Variants in UBAP1 observed in about 807,000 individuals in gnomAD.
UBAP1 encodes the protein ubiquitin associated protein 1.
In UBAP1, 5 loss-of-function variants were observed where a neutral mutation model predicts 39.0. The observed-to-expected ratio is 0.13, with a 90% CI of 0.07 to 0.27. The LOEUF is 0.27. Ranked by LOEUF, UBAP1 falls within the 10% of genes least tolerant of loss-of-function variation. The pLI is 1.00. For synonymous variants in UBAP1, 211 were observed against 225.1 expected (o/e 0.94, Z 0.56); for missense variants, 490 against 608.1 (o/e 0.81, Z 2.04).
chr9:34,247,165 G>C (rs1278550236), intron 4 of UBAP1, among the ~76,000 whole-genome samples: 1 of 152,142 alleles, frequency 6.6e-6, no homozygotes, highest in Non-Finnish European at 1.5e-5. Context: ...ACTAAACACT[G>C]TTATAATTTT....
At position 34,201,958 on chromosome 9, in the gene UBAP1, C is replaced by T. The variant is rs78215044; in HGVS notation, c.-7-18950C>T. The stretch of plus-strand genomic sequence containing the variant: ...TATGTTTACTGGTTTATTCTAAAGG[C>T]GATTGCAAAGTATACAGATGAAGAG... On this transcript the variant is annotated intron_variant, in intron 1 of 6. Transcript: ENST00000297661. Among the ~76,000 whole-genome samples, 1,472 of 152,150 alleles carry T rather than the reference C, an allele frequency of 9.7e-3. 29 individuals are homozygous for T. Among genetic ancestry groups the T allele is most frequent in the African/African-American group, 0.033 (1,389 of 41,500 alleles).
intron 4 of UBAP1, among the ~76,000 whole-genome samples, chr9:34,246,909 C>G (rs1458656695): frequency 6.6e-6 from 1 of 152,198 alleles, no homozygotes; most frequent in Non-Finnish European, 1.5e-5. Flanking sequence ...TGTCTAGTTT[C>G]TACTTGGTTA....
intron 2 of UBAP1, among the ~76,000 whole-genome samples, chr9:34,225,390 T>C (rs1461313014): frequency 2.6e-5 from 4 of 152,060 alleles, no homozygotes; most frequent in Admixed American, 6.6e-5. Flanking sequence ...CAGTTATTTC[T>C]CAAACTTCTA....
intron 1 of UBAP1, among the ~76,000 whole-genome samples, chr9:34,203,650 T>G (rs1427678052): frequency 6.6e-6 from 1 of 152,240 alleles, no homozygotes; most frequent in Admixed American, 6.5e-5. Flanking sequence ...AATAATCTGT[T>G]TCTTAAATAT....
At chr9:34,238,967 C>T (rs1376879587) in intron 3 of UBAP1, among the ~76,000 whole-genome samples, 1 of 152,222 alleles carries the variant, frequency 6.6e-6, no homozygotes, top group African/African-American at 2.4e-5. Context: ...TCATAGCACC[C>T]ACTGATAACA....
At chr9:34,182,390 G>C (rs2131482101) in intron 1 of UBAP1, among the ~76,000 whole-genome samples, 1 of 151,590 alleles carries the variant, frequency 6.6e-6, no homozygotes, top group South Asian at 2.1e-4. Flanking sequence ...TCACAACGTT[G>C]GCCAGGCTGG....
intron 1 of UBAP1, among the ~76,000 whole-genome samples, chr9:34,182,623 CT>C (rs1491204880): frequency 2.3e-4 from 8 of 34,960 alleles, no homozygotes; most frequent in Admixed American, 3.4e-4. Context: ...TTCCTTCTTT[CT>C]TTCTTTCTTT....
At chr9:34,192,119 C>A (rs568528748) in intron 1 of UBAP1, among the ~76,000 whole-genome samples, 66 of 151,370 alleles carry the variant, frequency 4.4e-4, no homozygotes, top group African/African-American at 1.5e-3. Context: ...ACTGGGATTA[C>A]AGGCATGAGC....
chr9:34,250,836 C>T (rs778496806), intron 6 of UBAP1, 77 bp downstream of exon 6: 4 of 1,219,560 alleles, frequency 3.3e-6, no homozygotes, highest in Non-Finnish European at 4.8e-6. Context: ...CTCCCTTGGC[C>T]CACACACAAC....
intron 4 of UBAP1, among the ~76,000 whole-genome samples, chr9:34,242,921 A>G (rs1182634615): frequency 1.3e-5 from 2 of 152,188 alleles, no homozygotes; most frequent in Non-Finnish European, 2.9e-5. Context: ...AGAGACCATA[A>G]CAAGCCTGCT....
At chr9:34,195,892 C>T (rs62556566) in intron 1 of UBAP1, among the ~76,000 whole-genome samples, 29,739 of 146,060 alleles carry the variant, frequency 0.2, 3,583 homozygotes, top group South Asian at 0.27. Flanking sequence ...CCACCACGTC[C>T]GGCCAGTCCT....
At chr9:34,194,388 C>T (rs940037633) in intron 1 of UBAP1, among the ~76,000 whole-genome samples, 4 of 151,382 alleles carry the variant, frequency 2.6e-5, no homozygotes, top group African/African-American at 7.3e-5. Context: ...AATCTCGGCT[C>T]GCTGTAAACT....
At chr9:34,188,667 C>T (rs1255322478) in intron 1 of UBAP1, among the ~76,000 whole-genome samples, 1 of 152,020 alleles carries the variant, frequency 6.6e-6, no homozygotes, top group Non-Finnish European at 1.5e-5. Context: ...CAAGATTAGT[C>T]TGTCTTGGGC....
chr9:34,221,617 A>G (rs1047119795), intron 2 of UBAP1, among the ~76,000 whole-genome samples: 5 of 151,860 alleles, frequency 3.3e-5, no homozygotes, highest in African/African-American at 9.7e-5. Flanking sequence ...GAAAAATTCT[A>G]ACCCTTTGGT....
At chr9:34,186,284 A>C (rs545726914) in intron 1 of UBAP1, among the ~76,000 whole-genome samples, 50 of 152,320 alleles carry the variant, frequency 3.3e-4, no homozygotes, top group African/African-American at 1.2e-3. Flanking sequence ...AATGACTGAA[A>C]GTTTCTTTTT....
chr9:34,181,589 C>T lies in UBAP1; in HGVS notation c.-8+2349C>T, dbSNP rs1408832476. On this transcript the variant is annotated intron_variant, in intron 1 of 6. Transcript: ENST00000297661. ...CTGGGACTACGGGCTCCCGCCACCA[C>T]GCCCGGCTAATTTTTTGTATTTTTA... Among the ~76,000 whole-genome samples the T allele has an allele frequency of 2.7e-5, 4 of 149,130 alleles. 1 individual carries two copies. Among genetic ancestry groups the T allele is most frequent in the Admixed American group, 1.3e-4 (2 of 14,828 alleles).
chr9:34,217,565 T>A (rs1001551504), intron 1 of UBAP1, among the ~76,000 whole-genome samples: 6 of 151,742 alleles, frequency 4.0e-5, no homozygotes, highest in Non-Finnish European at 8.8e-5. Flanking sequence ...TTAATTTTTT[T>A]AATTTTTGTT....
At chr9:34,208,607 C>A (rs1831843705) in intron 1 of UBAP1, among the ~76,000 whole-genome samples, 1 of 151,990 alleles carries the variant, frequency 6.6e-6, no homozygotes, top group South Asian at 2.1e-4. Flanking sequence ...GAAATCCCGT[C>A]TCTACTAAAA....
Position 34,251,873 on chromosome 9 carries a change from A to G in UBAP1, c.*341A>G, listed in dbSNP as rs911968267. ...GCTGAAGCCTGGCCTAGTTGCTGAG[A>G]GGGGCTGGGGAGATGGGGCGGGAGG... On this transcript the variant is annotated 3_prime_UTR_variant, in exon 7 of 7. Coordinates refer to ENST00000297661, the MANE Select transcript of UBAP1 (RefSeq NM_016525.5). 9.1e-5 allele frequency: 15 copies of G among 165,716 alleles called. No homozygotes were observed. Among genetic ancestry groups the G allele is most frequent in the Non-Finnish European group, 1.3e-4 (10 of 77,762 alleles). The allele number at this position is 165,716 out of a possible 1,614,324, so 10.3% of individuals were successfully genotyped here. A position where few individuals can be genotyped will look rare whatever the true frequency, so the allele number is the denominator to read the frequency against.
Sources: allele counts gnomAD v4.1 joint callset (sites outside exome capture counted in the v4.1 genomes callset), GRCh38; gene constraint gnomAD v4.1.1; transcripts MANE v1.5; gene names NCBI Gene and HGNC (gene_info 2026-07-23, HGNC 2026-07-21).